MAP3K5: variants seen among roughly 807,000 people sequenced by gnomAD.
MAP3K5 encodes the protein ASK-1.
A neutral mutation model predicts 158.7 loss-of-function variants in MAP3K5; 56 were observed. That is an observed-to-expected ratio of 0.35 (90% CI 0.28 to 0.44). MAP3K5 has a LOEUF of 0.44. MAP3K5 is among the 20% of genes least tolerant of loss of function. The pLI is 1.00. For synonymous variants in MAP3K5, 579 were observed against 601.7 expected, an observed-to-expected ratio of 0.96 and a Z score of 0.55; for missense variants, 1,294 against 1,674.8, an observed-to-expected ratio of 0.77 and a Z score of 3.97.
rs538589044 is a variant in MAP3K5 at position 136,758,112 on chromosome 6, T to C, written c.448+33598A>G. ...GAGTACATTAGGCACTTTGGTAATTTAGGAACAAATGCTATTTTGATTTTA... is the reference window on the plus strand; with the variant it reads ...GAGTACATTAGGCACTTTGGTAATTCAGGAACAAATGCTATTTTGATTTTA... On this transcript the variant is annotated intron_variant, in intron 1 of 29. Coordinates refer to ENST00000359015, the MANE Select transcript of MAP3K5 (RefSeq NM_005923.4). Among the ~76,000 whole-genome samples, 4 of 152,352 alleles carry C rather than the reference T, an allele frequency of 2.6e-5. No homozygotes were observed. The South Asian group carries it at 6.2e-4, about 24-fold the overall frequency.
At chr6:136,669,528 T>C (rs1779377442) in intron 7 of MAP3K5, 133 bp from the exon 8 acceptor site, 1 of 617,984 alleles carries the variant, frequency 1.6e-6, no homozygotes, top group East Asian at 2.8e-5. Flanking sequence ...CAGAATCTGG[T>C]GTGCTATTAG....
Position 136,792,248 on chromosome 6 carries a change from GGCTAAGCAGCTGCCATCGCGCGCCGC to G in MAP3K5, c.-117_-92del. On this transcript the variant is annotated 5_prime_UTR_variant, in exon 1 of 30. It removes an upstream start codon present in the reference 5' UTR. Coordinates refer to ENST00000359015, the MANE Select transcript of MAP3K5 (RefSeq NM_005923.4). The surrounding 1 kb of genome is among the most constrained non-coding windows in gnomAD (Gnocchi z 5.7). ...GCTCGGGGCTGCTCCGCGCCCGCCG[GGCTAAGCAGCTGCCATCGCGCGCCGC>G]GCCCTCGCCGCCGCGCCGCCGCCTC... is the stretch of plus-strand genomic sequence containing the variant. The G allele has an allele frequency of 7.8e-7, 1 of 1,283,380 alleles. No individual in the cohort carries two copies. The highest frequency in any genetic ancestry group is 9.8e-7 in the Non-Finnish European group (1 of 1,021,452). The allele number at this position is 1,283,380 out of a possible 1,614,324, so 79.5% of individuals were successfully genotyped here. A position where few individuals can be genotyped will look rare whatever the true frequency, so the allele number is the denominator to read the frequency against.
chr6:136,582,249 CACGTGTGTGTAT>C (rs1273505280), intron 24 of MAP3K5, among the ~76,000 whole-genome samples: 29 of 146,684 alleles, frequency 2.0e-4, no homozygotes, highest in African/African-American at 6.6e-4. Flanking sequence ...TGTATGTGTA[CACGTGTGTGTAT>C]ACGTGTGTGT....
intron 1 of MAP3K5, 142 bp downstream of exon 1, chr6:136,791,568 G>T: frequency 2.4e-6 from 2 of 838,656 alleles, no homozygotes; most frequent in Non-Finnish European, 3.9e-6. Flanking sequence ...AGCGACAGGA[G>T]CAGTCACGCA....
intron 2 of MAP3K5, among the ~76,000 whole-genome samples, chr6:136,707,862 T>C (rs1480290249): frequency 6.6e-6 from 1 of 152,246 alleles, no homozygotes; most frequent in Non-Finnish European, 1.5e-5. Context: ...TACACTGGAA[T>C]ACATTACACC....
intron 8 of MAP3K5, among the ~76,000 whole-genome samples, chr6:136,667,189 T>C (rs943822578): frequency 2.6e-4 from 40 of 152,172 alleles, no homozygotes; most frequent in Admixed American, 2.5e-3. Flanking sequence ...ACAATAAATA[T>C]ATGACTGTAT....
intron 2 of MAP3K5, among the ~76,000 whole-genome samples, chr6:136,720,242 C>G (rs1781693738): frequency 6.6e-6 from 1 of 152,144 alleles, no homozygotes; most frequent in African/African-American, 2.4e-5. Flanking sequence ...AAACTCAGAA[C>G]TCAGTGTGAA....
At chr6:136,627,079 C>CT (rs567913738) in intron 14 of MAP3K5, among the ~76,000 whole-genome samples, 3 of 151,864 alleles carry the variant, frequency 2.0e-5, no homozygotes, top group Admixed American at 6.6e-5. Flanking sequence ...CATCCATTTG[C>CT]TTTTTTTTAG....
chr6:136,608,968 G>A (rs568202487), intron 18 of MAP3K5, among the ~76,000 whole-genome samples: 6 of 152,304 alleles, frequency 3.9e-5, no homozygotes, highest in African/African-American at 1.2e-4. Context: ...CAGGGCCCTC[G>A]GGACCGGTGC....
intron 26 of MAP3K5, 27 bp from the exon 27 acceptor site, chr6:136,562,642 C>T (rs978068497): frequency 4.9e-6 from 6 of 1,212,976 alleles, no homozygotes; most frequent in African/African-American, 1.6e-5. Context: ...TATTGTTTGA[C>T]AGGAGGTGAC....
At chr6:136,636,436 T>A (rs9376218) in intron 14 of MAP3K5, among the ~76,000 whole-genome samples, 92,188 of 151,502 alleles carry the variant, frequency 0.61, 28,246 homozygotes, top group South Asian at 0.72. Context: ...ATGGACTAAG[T>A]CACTTGGATT....
intron 20 of MAP3K5, 22 bp from the exon 21 acceptor site, chr6:136,601,064 G>C (rs775367609): frequency 1.5e-5 from 25 of 1,613,234 alleles, no homozygotes; most frequent in Non-Finnish European, 1.9e-5. Context: ...AAAGCAAACA[G>C]CCATGAATAA....
chr6:136,772,852 A>G, intron 1 of MAP3K5, among the ~76,000 whole-genome samples: 1 of 152,188 alleles, frequency 6.6e-6, no homozygotes, highest in Non-Finnish European at 1.5e-5. Context: ...GAGCTTTCAA[A>G]AGCCTGTGAA....
rs935425619 is a variant in MAP3K5 at position 136,564,068 on chromosome 6, C to A, written c.3762-1453G>T. 2.0e-5 allele frequency among the ~76,000 whole-genome samples: 3 copies of A among 152,122 alleles called. No homozygotes were observed. In the East Asian group the frequency reaches 5.8e-4, roughly 29 times the overall value. On this transcript the variant is annotated intron_variant, in intron 26 of 29. Coordinates refer to ENST00000359015, the MANE Select transcript of MAP3K5 (RefSeq NM_005923.4). Reference sequence around the variant, plus strand: ...TTCAAATCATTTGTAAAAAAGAAAACTAAAGCTTCCAGAAAAGATTATTGT... The same window carrying A: ...TTCAAATCATTTGTAAAAAAGAAAAATAAAGCTTCCAGAAAAGATTATTGT...
chr6:136,737,746 C>A (rs901553753), intron 1 of MAP3K5, among the ~76,000 whole-genome samples: 1 of 152,218 alleles, frequency 6.6e-6, no homozygotes, highest in African/African-American at 2.4e-5. Flanking sequence ...TCAGCATCAG[C>A]CCTTCATGGG....
chr6:136,699,569 A>C lies in MAP3K5; in HGVS notation c.613-887T>G, dbSNP rs371125184. 2.0e-4 allele frequency among the ~76,000 whole-genome samples: 30 copies of C among 152,276 alleles called. 1 individual carries two copies. Among genetic ancestry groups the C allele is most frequent in the Admixed American group, 9.2e-4 (14 of 15,298 alleles). Reference sequence around the variant, plus strand: ...CCCTGCCACTCTCCCCTCGCCCACTACAGCCTGGGCTCACTGACCTTCTCT... The same window carrying C: ...CCCTGCCACTCTCCCCTCGCCCACTCCAGCCTGGGCTCACTGACCTTCTCT... On this transcript the variant is annotated intron_variant, in intron 3 of 29. Coordinates refer to ENST00000359015, the MANE Select transcript of MAP3K5 (RefSeq NM_005923.4).
intron 25 of MAP3K5, among the ~76,000 whole-genome samples, chr6:136,575,321 C>T (rs1375054862): frequency 6.6e-6 from 1 of 151,884 alleles, no homozygotes; most frequent in African/African-American, 2.4e-5. Flanking sequence ...GCTGCCATGC[C>T]TGACTTATTT....
At chr6:136,641,183 TATA>T (rs1777913956) in intron 12 of MAP3K5, among the ~76,000 whole-genome samples, 1 of 152,208 alleles carries the variant, frequency 6.6e-6, no homozygotes, top group Non-Finnish European at 1.5e-5. Context: ...CTGAAAGATA[TATA>T]ATGAGTCAGT....
intron 1 of MAP3K5, among the ~76,000 whole-genome samples, chr6:136,731,538 A>G (rs1320048894): frequency 6.6e-6 from 1 of 152,218 alleles, no homozygotes; most frequent in Non-Finnish European, 1.5e-5. Context: ...GGACACACCC[A>G]GATGATCCAG....
Sources: gnomAD v4.1 joint callset for allele counts (sites outside exome capture counted in the v4.1 genomes callset) on GRCh38, gnomAD v4.1.1 for gene constraint, Gnocchi (gnomAD v3.1) non-coding constraint, MANE v1.5 for transcripts, NCBI Gene and HGNC (gene_info 2026-07-23, HGNC 2026-07-21) for gene names.